Variants in PPARGC1B observed in about 807,000 individuals in gnomAD.
PPARGC1B encodes peroxisome proliferator-activated receptor gamma coactivator 1-beta.
PPARGC1B carries 34 observed loss-of-function variants against 101.6 expected under a neutral mutation model. The ratio of observed to expected loss-of-function variants is 0.33; its 90% CI spans 0.25 to 0.45. The LOEUF (loss-of-function observed/expected upper bound fraction) is 0.45. Ranked by LOEUF, PPARGC1B falls within the 20% of genes least tolerant of loss-of-function variation. The pLI is 1.00. For missense variants in PPARGC1B, 1,234 were observed against 1,317.6 expected, an observed-to-expected ratio of 0.94 and a Z score of 0.98; for synonymous variants, 548 against 539.3, an observed-to-expected ratio of 1.02 and a Z score of -0.22.
At position 149,814,492 on chromosome 5, in the gene PPARGC1B, G is replaced by C. The variant is rs372159070; in HGVS notation, c.79-5941G>C. Among the ~76,000 whole-genome samples, 119 of 152,276 alleles carry C rather than the reference G, an allele frequency of 7.8e-4. 1 individual carries two copies. In the South Asian group the frequency reaches 8.9e-3, roughly 11 times the overall value. ...CCAGAGGGGTCAGTGAGGACCAGAGGGGGGAGGTGACCCAATGAAGGACGC... is the reference window on the plus strand; with the variant it reads ...CCAGAGGGGTCAGTGAGGACCAGAGCGGGGAGGTGACCCAATGAAGGACGC... On this transcript the variant is annotated intron_variant, in intron 1 of 11. Coordinates refer to ENST00000309241, the MANE Select transcript of PPARGC1B (RefSeq NM_133263.4).
chr5:149,742,380 T>G (rs1320979644), intron 1 of PPARGC1B, among the ~76,000 whole-genome samples: 1 of 152,082 alleles, frequency 6.6e-6, no homozygotes, highest in African/African-American at 2.4e-5. Context: ...TGCTCTGCGA[T>G]CCCCACAGTC....
intron 1 of PPARGC1B, among the ~76,000 whole-genome samples, chr5:149,812,773 A>G (rs1757913198): frequency 1.3e-5 from 2 of 152,222 alleles, no homozygotes; most frequent in South Asian, 4.1e-4. Context: ...GGTATTTGCC[A>G]TGACCCACCC....
At chr5:149,829,606 C>T (rs1268408744) in intron 3 of PPARGC1B, among the ~76,000 whole-genome samples, 1 of 151,776 alleles carries the variant, frequency 6.6e-6, no homozygotes, top group Non-Finnish European at 1.5e-5. Flanking sequence ...TAGATGTATT[C>T]AACTTCCTGC....
intron 3 of PPARGC1B, 55 bp from the exon 4 acceptor site, chr5:149,830,712 A>G (rs745705390): frequency 8.2e-6 from 11 of 1,347,986 alleles, no homozygotes; most frequent in Admixed American, 3.4e-5. Flanking sequence ...CATGCAGTCC[A>G]TGTCCTCTGG....
At chr5:149,820,243 C>T (rs1006111925) in intron 1 of PPARGC1B, among the ~76,000 whole-genome samples, 190 bp from the exon 2 acceptor site, 17 of 152,168 alleles carry the variant, frequency 1.1e-4, no homozygotes, top group African/African-American at 3.6e-4. Context: ...GGGTTTTGTA[C>T]TGCTGGGGCC....
intron 1 of PPARGC1B, among the ~76,000 whole-genome samples, chr5:149,771,167 G>A (rs758079601): frequency 5.3e-5 from 8 of 152,218 alleles, no homozygotes; most frequent in Non-Finnish European, 1.2e-4. Context: ...GCAGGCGGAT[G>A]CTGCACCTGC....
chr5:149,777,784 AACACACACACACAC>A lies in PPARGC1B; in HGVS notation c.79-42619_79-42606del, dbSNP rs4039101. On this transcript the variant is annotated intron_variant, in intron 1 of 11. Transcript: ENST00000309241. ...GTAGAGATTTAAAAACTGTCTTTGT[AACACACACACACAC>A]ACACACACACACACACACACACACA... Among the ~76,000 whole-genome samples the A allele has an allele frequency of 4.6e-4, 42 of 91,060 alleles. 1 individual carries two copies. The highest frequency in any genetic ancestry group is 1.2e-3 in the African/African-American group (24 of 20,122). The allele number at this position is 91,060 out of a possible 152,430, so 59.7% of individuals were successfully genotyped here. A position where few individuals can be genotyped will look rare whatever the true frequency, so the allele number is the denominator to read the frequency against.
At chr5:149,747,403 G>A (rs1755130006) in intron 1 of PPARGC1B, among the ~76,000 whole-genome samples, 1 of 152,222 alleles carries the variant, frequency 6.6e-6, no homozygotes, top group Admixed American at 6.5e-5. Flanking sequence ...AACAGTGTCA[G>A]GAGAAAAATA....
At chr5:149,822,429 G>A (rs555085240) in intron 2 of PPARGC1B, among the ~76,000 whole-genome samples, 1 of 152,276 alleles carries the variant, frequency 6.6e-6, no homozygotes, top group African/African-American at 2.4e-5. Flanking sequence ...GCTCTCCTGA[G>A]ACTAGACTAG....
chr5:149,765,470 C>T (rs1250483089), intron 1 of PPARGC1B, among the ~76,000 whole-genome samples: 1 of 152,180 alleles, frequency 6.6e-6, no homozygotes, highest in Non-Finnish European at 1.5e-5. Flanking sequence ...ATGGGAAGGA[C>T]AATGTCATAT....
intron 1 of PPARGC1B, among the ~76,000 whole-genome samples, chr5:149,753,792 C>A (rs1215312628): frequency 6.6e-6 from 1 of 151,996 alleles, no homozygotes; most frequent in African/African-American, 2.4e-5. Context: ...CTCCCCACAA[C>A]AAGCAATTCT....
chr5:149,820,668 G>GGCTCTGCCCT (rs1758257741), intron 2 of PPARGC1B, 62 bp downstream of exon 2: 1 of 1,508,354 alleles, frequency 6.6e-7, no homozygotes, highest in Non-Finnish European at 9.0e-7. Context: ...TCAAAATCCC[G>GGCTCTGCCCT]GCTCTGCCCT....
Position 149,773,012 on chromosome 5 carries a change from G to A in PPARGC1B, c.78+42592G>A, listed in dbSNP as rs186349888. 7.2e-3 allele frequency among the ~76,000 whole-genome samples: 1,096 copies of A among 152,332 alleles called. 10 individuals carry two copies. Among genetic ancestry groups the A allele is most frequent in the Middle Eastern group, 0.02 (6 of 294 alleles). On this transcript the variant is annotated intron_variant, in intron 1 of 11. Coordinates refer to ENST00000309241, the MANE Select transcript of PPARGC1B (RefSeq NM_133263.4). ...TGGCGTTGCAGGAGGTGTTTGGGGA[G>A]ATGGTCTTTGTTGCAGATATTTTCT...
At chr5:149,734,491 T>G (rs990717914) in intron 1 of PPARGC1B, among the ~76,000 whole-genome samples, 23 of 152,116 alleles carry the variant, frequency 1.5e-4, no homozygotes, top group Admixed American at 6.5e-5. Flanking sequence ...TTATATAATG[T>G]TTTGTTGAAG....
chr5:149,817,133 C>A (rs2113344379), intron 1 of PPARGC1B, among the ~76,000 whole-genome samples: 1 of 152,302 alleles, frequency 6.6e-6, no homozygotes, highest in Non-Finnish European at 1.5e-5. Flanking sequence ...CCTCTGCCTG[C>A]AATGCTCTTC....
intron 1 of PPARGC1B, among the ~76,000 whole-genome samples, chr5:149,791,523 C>A (rs1371667571): frequency 6.6e-6 from 1 of 152,014 alleles, no homozygotes; most frequent in Non-Finnish European, 1.5e-5. Context: ...CCAGAGCATA[C>A]CCACTCCAGA....
chr5:149,774,039 T>G (rs1305812392), intron 1 of PPARGC1B, among the ~76,000 whole-genome samples: 2 of 152,210 alleles, frequency 1.3e-5, no homozygotes, highest in African/African-American at 2.4e-5. Context: ...TGAGCCCTCC[T>G]GCTTTGGCCA....
At chr5:149,790,675 T>A in intron 1 of PPARGC1B, among the ~76,000 whole-genome samples, 1 of 152,098 alleles carries the variant, frequency 6.6e-6, no homozygotes. Flanking sequence ...ATGACAACAC[T>A]CATTGATTAT....
At chr5:149,790,637 G>T (rs1756983952) in intron 1 of PPARGC1B, among the ~76,000 whole-genome samples, 1 of 152,066 alleles carries the variant, frequency 6.6e-6, no homozygotes, top group Non-Finnish European at 1.5e-5. Context: ...CCTTGTTTGG[G>T]GACCTGATGA....
Sources: gnomAD v4.1 joint callset for allele counts (sites outside exome capture counted in the v4.1 genomes callset) on GRCh38, gnomAD v4.1.1 for gene constraint, MANE v1.5 for transcripts, NCBI Gene and HGNC (gene_info 2026-07-23, HGNC 2026-07-21) for gene names.